KIF13A: variants seen among roughly 807,000 people sequenced by gnomAD.
The protein encoded by KIF13A is kinesin-like protein KIF13A.
KIF13A carries 79 observed loss-of-function variants against 212.2 expected under a neutral mutation model. The observed-to-expected ratio is 0.37, with a 90% CI of 0.31 to 0.45. The LOEUF (loss-of-function observed/expected upper bound fraction) is 0.45. KIF13A is among the 20% of genes least tolerant of loss of function. The pLI, the probability that KIF13A is intolerant of heterozygous loss-of-function variation, is 1.00. For synonymous variants in KIF13A, 789 were observed against 808.6 expected (o/e 0.98, Z 0.41); for missense variants, 1,901 against 2,209.0 (o/e 0.86, Z 2.79).
intron 2 of KIF13A, among the ~76,000 whole-genome samples, chr6:17,927,204 A>G (rs377036477): frequency 7.2e-5 from 11 of 152,196 alleles, no homozygotes; most frequent in Non-Finnish European, 7.3e-5. Context: ...ACTTGAACAG[A>G]TATTTGCATA....
intron 2 of KIF13A, among the ~76,000 whole-genome samples, chr6:17,903,539 G>A (rs983914765): frequency 2.0e-5 from 3 of 152,090 alleles, no homozygotes; most frequent in Non-Finnish European, 4.4e-5. Context: ...TAAGTTTTAC[G>A]TGACTTTTGA....
intron 3 of KIF13A, among the ~76,000 whole-genome samples, chr6:17,879,252 A>T (rs1449193236): frequency 6.6e-6 from 1 of 152,110 alleles, no homozygotes; most frequent in Non-Finnish European, 1.5e-5. Flanking sequence ...CTAAATGGTG[A>T]GCTCCATGGC....
At chr6:17,800,450 T>C (rs1561989184) in intron 20 of KIF13A, among the ~76,000 whole-genome samples, 1 of 151,444 alleles carries the variant, frequency 6.6e-6, no homozygotes, top group Non-Finnish European at 1.5e-5. Context: ...TTGTTTTGTT[T>C]TTCCAAGATG....
intron 3 of KIF13A, among the ~76,000 whole-genome samples, chr6:17,891,353 AT>A (rs1772037077): frequency 6.6e-6 from 1 of 152,248 alleles, no homozygotes; most frequent in African/African-American, 2.4e-5. Context: ...ACTTATGTAC[AT>A]TTCCCTTGTA....
rs983694701 is a variant in KIF13A, at chr6:17,809,708, C to G, written c.2001-778G>C. On this transcript the variant is annotated intron_variant, in intron 17 of 38. Transcript: ENST00000259711. The surrounding 1 kb of genome is among the most constrained non-coding windows in gnomAD (Gnocchi z 4.7). ...CCACTGAATAAAGAAAAGAGTGCTT[C>G]TGGATTTCACATTTGAATCTGGGTT... Among the ~76,000 whole-genome samples, 1 of 152,166 alleles carries G rather than the reference C, an allele frequency of 6.6e-6. No homozygotes were observed. The highest frequency in any genetic ancestry group is 6.5e-5 in the Admixed American group (1 of 15,282).
chr6:17,894,137 C>T (rs892752921), intron 3 of KIF13A, among the ~76,000 whole-genome samples: 1 of 141,050 alleles, frequency 7.1e-6, no homozygotes, highest in East Asian at 2.1e-4. Flanking sequence ...TGCGTCTCAC[C>T]CCATTTTTTT....
Position 17,809,965 on chromosome 6 carries a change from G to A in KIF13A, c.2001-1035C>T, listed in dbSNP as rs1029117695. Among the ~76,000 whole-genome samples the A allele has an allele frequency of 9.9e-5, 15 of 152,038 alleles. No individual in the cohort carries two copies. The highest frequency in any genetic ancestry group is 3.1e-4 in the African/African-American group (13 of 41,380). On this transcript the variant is annotated intron_variant, in intron 17 of 38. Coordinates refer to ENST00000259711, the MANE Select transcript of KIF13A (RefSeq NM_022113.6). This position sits in a 1 kb window ranked among gnomAD's most constrained non-coding sequence, Gnocchi z 4.7. Reference sequence around the variant, plus strand: ...TTACCAGCTGGGGGCAGTGGCTCATGGCTATAATCCCAACACTTTGGGAAG... The same window carrying A: ...TTACCAGCTGGGGGCAGTGGCTCATAGCTATAATCCCAACACTTTGGGAAG...
Position 17,828,518 on chromosome 6 carries a change from A to C in KIF13A, c.1402-148T>G. 1 of 629,920 alleles carries C rather than the reference A, an allele frequency of 1.6e-6. No individual in the cohort carries two copies. Among genetic ancestry groups the C allele is most frequent in the Non-Finnish European group, 2.6e-6 (1 of 390,888 alleles). 39.0% of individuals were successfully genotyped at this position (629,920 alleles called of 1,614,324 possible). On this transcript the variant is annotated intron_variant, in intron 13 of 38. Coordinates refer to ENST00000259711, the MANE Select transcript of KIF13A (RefSeq NM_022113.6). The surrounding 1 kb of genome is among the most constrained non-coding windows in gnomAD (Gnocchi z 4.3). ...AGATGTTAAATATCTTAAGCATTAA[A>C]AGTAAAACGCTTACCCTTAATACAC...
intron 3 of KIF13A, among the ~76,000 whole-genome samples, chr6:17,880,721 A>G (rs1770991024): frequency 6.6e-6 from 1 of 151,910 alleles, no homozygotes; most frequent in Non-Finnish European, 1.5e-5. Flanking sequence ...TGTAACCTCA[A>G]ACTCCTGGGC....
Position 17,769,320 on chromosome 6 carries a change from A to G in KIF13A, c.4581+1794T>C, listed in dbSNP as rs991485871. Among the ~76,000 whole-genome samples the G allele has an allele frequency of 2.0e-5, 3 of 152,216 alleles. No individual in the cohort carries two copies. The highest frequency in any genetic ancestry group is 7.2e-5 in the African/African-American group (3 of 41,464). On this transcript the variant is annotated intron_variant, in intron 38 of 38. Transcript: ENST00000259711. The surrounding 1 kb of genome is among the most constrained non-coding windows in gnomAD (Gnocchi z 5.8). ...AAGAGCCCAATTGCCTCTTAGGTGC[A>G]GAGTGCTCAGCAAGCCAGTTTCCTA...
intron 16 of KIF13A, among the ~76,000 whole-genome samples, chr6:17,824,200 C>T (rs1331107011): frequency 1.3e-5 from 2 of 152,078 alleles, no homozygotes; most frequent in Admixed American, 6.6e-5. Flanking sequence ...TGAGCCACCA[C>T]ACCTGGCCCT....
At chr6:17,882,812 T>C (rs1314983853) in intron 3 of KIF13A, among the ~76,000 whole-genome samples, 2 of 152,166 alleles carry the variant, frequency 1.3e-5, no homozygotes, top group Non-Finnish European at 2.9e-5. Flanking sequence ...TTTGCCTACC[T>C]TGGCCTCCCA....
chr6:17,821,833 G>A lies in KIF13A; in HGVS notation c.1786+3935C>T, dbSNP rs950499238. On this transcript the variant is annotated intron_variant, in intron 16 of 38. Transcript: ENST00000259711. ...GAGCTTCGTCTGAAACCACATGAGA[G>A]GAAAGAGGATCTTCAAATAAGACCA... 15 of 1,535,254 alleles carry A rather than the reference G, an allele frequency of 9.8e-6. No individual in the cohort carries two copies. In the South Asian group the frequency reaches 1.7e-4, roughly 17 times the overall value.
intron 16 of KIF13A, 118 bp from the exon 17 acceptor site, chr6:17,817,351 T>C: frequency 1.2e-6 from 1 of 818,252 alleles, no homozygotes; most frequent in South Asian, 1.7e-5. Flanking sequence ...GTCAATACGC[T>C]TTTTGTGAGA....
Position 17,783,875 on chromosome 6 carries a change from T to C in KIF13A, c.3489-174A>G, listed in dbSNP as rs564281786. 3.3e-5 allele frequency among the ~76,000 whole-genome samples: 5 copies of C among 152,362 alleles called. No individual in the cohort carries two copies. In the East Asian group the frequency reaches 7.7e-4, roughly 24 times the overall value. On this transcript the variant is annotated intron_variant, in intron 28 of 38. Transcript: ENST00000259711. This position sits in a 1 kb window ranked among gnomAD's most constrained non-coding sequence, Gnocchi z 4.3. ...CTGTAGACATAAATCATGGGAATTA[T>C]ATGACTTACATAAAAGAACTTCCAG... is the stretch of plus-strand genomic sequence containing the variant.
intron 2 of KIF13A, among the ~76,000 whole-genome samples, chr6:17,974,677 T>C (rs573475392): frequency 5.3e-5 from 8 of 152,160 alleles, no homozygotes; most frequent in African/African-American, 1.4e-4. Flanking sequence ...AAAATCCTAG[T>C]GTCCAAGGTG....
chr6:17,906,160 C>T (rs777163418), intron 2 of KIF13A, among the ~76,000 whole-genome samples: 8 of 152,114 alleles, frequency 5.3e-5, no homozygotes, highest in Non-Finnish European at 1.0e-4. Context: ...ACAATCACTA[C>T]AGTAAAATTT....
In KIF13A at chr6:17,918,635, G is replaced by A. The variant is rs1043552002; in HGVS notation, c.147-20455C>T. ...GTTTTCTTGGGGCTGCCTTCCTACA[G>A]GTAAGAGAAGTATCACTTGGAATTG... On this transcript the variant is annotated intron_variant, in intron 2 of 38. Transcript: ENST00000259711. The surrounding 1 kb of genome is among the most constrained non-coding windows in gnomAD (Gnocchi z 4.8). 1.3e-5 allele frequency among the ~76,000 whole-genome samples: 2 copies of A among 152,114 alleles called. No individual in the cohort carries two copies. The highest frequency in any genetic ancestry group is 3.2e-3 in the Middle Eastern group (1 of 316).
Position 17,816,975 on chromosome 6 carries a change from G to A in KIF13A, c.2000+45C>T, listed in dbSNP as rs776160717. 9.3e-5 allele frequency: 141 copies of A among 1,521,444 alleles called. No homozygotes were observed. Among genetic ancestry groups the A allele is most frequent in the Middle Eastern group, 2.3e-4 (1 of 4,286 alleles). The allele number at this position is 1,521,444 out of a possible 1,614,324, so 94.2% of individuals were successfully genotyped here. A position where few individuals can be genotyped will look rare whatever the true frequency, so the allele number is the denominator to read the frequency against. ...AAAAACCCCTCCCTCAAAGACCCAC[G>A]GCCTTGGGGCCTTGACTCTGGGCTG... On this transcript the variant is annotated intron_variant, in intron 17 of 38. Coordinates refer to ENST00000259711, the MANE Select transcript of KIF13A (RefSeq NM_022113.6). The surrounding 1 kb of genome is among the most constrained non-coding windows in gnomAD (Gnocchi z 4.3).
Sources: allele counts gnomAD v4.1 joint callset (sites outside exome capture counted in the v4.1 genomes callset), GRCh38; gene constraint gnomAD v4.1.1; non-coding constraint Gnocchi (gnomAD v3.1); transcripts MANE v1.5; gene names NCBI Gene and HGNC (gene_info 2026-07-23, HGNC 2026-07-21).